GABRA3: variants seen among roughly 807,000 people sequenced by gnomAD.
The protein encoded by GABRA3 is gamma-aminobutyric acid receptor subunit alpha-3.
GABRA3 carries 10 observed loss-of-function variants against 30.1 expected under a neutral mutation model. The ratio of observed to expected loss-of-function variants is 0.33; its 90% CI spans 0.20 to 0.56. GABRA3 has a LOEUF of 0.56. Among genes scored for constraint, GABRA3 ranks in the 20% least tolerant of loss-of-function variants. GABRA3 has a pLI of 0.89. For missense variants in GABRA3, 233 were observed against 392.0 expected, an observed-to-expected ratio of 0.59 and a Z score of 3.42; for synonymous variants, 151 against 146.8, an observed-to-expected ratio of 1.03 and a Z score of -0.21.
At chrX:152,379,503 T>A (rs1929083612) in intron 1 of GABRA3, among the ~76,000 whole-genome samples, 1 of 110,449 alleles carries the variant, frequency 9.1e-6, no homozygotes, top group South Asian at 3.8e-4. Context: ...TAAAAAGATT[T>A]AAAAAAAAGT....
At chrX:152,253,808 C>T (rs1221299980) in intron 5 of GABRA3, among the ~76,000 whole-genome samples, 1 of 111,560 alleles carries the variant, frequency 9.0e-6, no homozygotes, top group Admixed American at 9.5e-5. Context: ...AACGTCCTTC[C>T]TCTCTTCCTT....
chrX:152,305,629 GAATA>G (rs1171786092), intron 3 of GABRA3, among the ~76,000 whole-genome samples: 1 of 111,187 alleles, frequency 9.0e-6, no homozygotes, highest in Non-Finnish European at 1.9e-5. Flanking sequence ...GTAAAAGAAA[GAATA>G]ATTAAGGAAT....
At chrX:152,384,320 T>C (rs1188774701) in intron 1 of GABRA3, among the ~76,000 whole-genome samples, 4 of 111,507 alleles carry the variant, frequency 3.6e-5, no homozygotes, top group Non-Finnish European at 7.5e-5. Flanking sequence ...ACAGATTTAA[T>C]GAAAACCTTA....
intron 1 of GABRA3, among the ~76,000 whole-genome samples, chrX:152,365,258 G>A: frequency 9.0e-6 from 1 of 111,433 alleles, no homozygotes; most frequent in Non-Finnish European, 1.9e-5. Context: ...GAGACATCAT[G>A]GCTCTTGAAT....
At chrX:152,266,856 A>G (rs763295558) in intron 4 of GABRA3, among the ~76,000 whole-genome samples, 6 of 111,842 alleles carry the variant, frequency 5.4e-5, no homozygotes, top group Non-Finnish European at 7.5e-5. Context: ...TGCTATATCT[A>G]CACCACATAA....
intron 3 of GABRA3, among the ~76,000 whole-genome samples, chrX:152,312,293 G>T (rs1024113793): frequency 8.1e-5 from 9 of 111,792 alleles, no homozygotes; most frequent in Non-Finnish European, 1.1e-4. Context: ...CAGACACATA[G>T]ACCAATAGAA....
At chrX:152,273,067 C>T (rs748904593) in intron 4 of GABRA3, among the ~76,000 whole-genome samples, 6 of 111,459 alleles carry the variant, frequency 5.4e-5, no homozygotes, top group East Asian at 2.8e-4. Context: ...AGATATAAGC[C>T]GCTCAAACAA....
At chrX:152,241,870 C>T (rs1012852835) in intron 5 of GABRA3, among the ~76,000 whole-genome samples, 8 of 111,774 alleles carry the variant, frequency 7.2e-5, no homozygotes, top group East Asian at 5.7e-4. Flanking sequence ...GGCTCGCACA[C>T]GGTGCGCGCA....
intron 3 of GABRA3, among the ~76,000 whole-genome samples, chrX:152,344,221 A>T (rs1940357517): frequency 8.9e-6 from 1 of 112,029 alleles, no homozygotes; most frequent in African/African-American, 3.2e-5. Context: ...AAAAAATGAG[A>T]GCATATCAAA....
At chrX:152,365,874 A>G (rs181905318) in intron 1 of GABRA3, among the ~76,000 whole-genome samples, 1 of 112,002 alleles carries the variant, frequency 8.9e-6, no homozygotes, top group East Asian at 2.8e-4. Context: ...GACTTCTGAC[A>G]TGATGAAGTG....
At chrX:152,325,806 A>G (rs1431533872) in intron 3 of GABRA3, among the ~76,000 whole-genome samples, 1 of 111,785 alleles carries the variant, frequency 8.9e-6, no homozygotes, top group Non-Finnish European at 1.9e-5. Context: ...CTCCAAAGGA[A>G]CGCAGCTCCT....
At chrX:152,241,994 C>A (rs1008686096) in intron 5 of GABRA3, among the ~76,000 whole-genome samples, 1 of 111,656 alleles carries the variant, frequency 9.0e-6, no homozygotes, top group Non-Finnish European at 1.9e-5. Flanking sequence ...AGCTGTAGAC[C>A]GGAGCTGTTC....
chrX:152,295,652 C>T (rs930479872), intron 3 of GABRA3, among the ~76,000 whole-genome samples: 4 of 112,720 alleles, frequency 3.5e-5, no homozygotes, highest in Non-Finnish European at 7.5e-5. Context: ...CTTGCACATC[C>T]TCGGTGAGGC....
intron 9 of GABRA3, among the ~76,000 whole-genome samples, chrX:152,181,950 G>C: frequency 9.0e-6 from 1 of 110,956 alleles, no homozygotes; most frequent in Middle Eastern, 4.7e-3. Flanking sequence ...CAATACTGTA[G>C]TGAGAGTGGA....
intron 4 of GABRA3, among the ~76,000 whole-genome samples, chrX:152,280,222 G>A (rs979282866): frequency 5.4e-5 from 6 of 111,118 alleles, no homozygotes; most frequent in South Asian, 3.8e-4. Flanking sequence ...TCTATGTTAC[G>A]TAAAAATATC....
chrX:152,347,875 C>T (rs1181946858), intron 2 of GABRA3, among the ~76,000 whole-genome samples: 1 of 111,631 alleles, frequency 9.0e-6, no homozygotes, highest in Non-Finnish European at 1.9e-5. Flanking sequence ...GGCATGGTGG[C>T]ACACCTGTAG....
chrX:152,376,666 C>A (rs1171854303), intron 1 of GABRA3, among the ~76,000 whole-genome samples: 1 of 111,734 alleles, frequency 8.9e-6, no homozygotes, highest in East Asian at 2.8e-4. Context: ...TTTCTTTTAT[C>A]AATCAAGTTT....
At chrX:152,329,506 C>T (rs1052781098) in intron 3 of GABRA3, among the ~76,000 whole-genome samples, 6 of 111,574 alleles carry the variant, frequency 5.4e-5, no homozygotes, top group African/African-American at 2.0e-4. Flanking sequence ...GAGATATAGA[C>T]CAACGGATCA....
chrX:152,289,856 T>C (rs911562873), intron 3 of GABRA3, among the ~76,000 whole-genome samples: 2 of 111,973 alleles, frequency 1.8e-5, no homozygotes, highest in African/African-American at 6.5e-5. Flanking sequence ...TCATCCTTTC[T>C]TTATGGCTGC....
Sources: gnomAD v4.1 joint callset for allele counts (sites outside exome capture counted in the v4.1 genomes callset) on GRCh38, gnomAD v4.1.1 for gene constraint, MANE v1.5 for transcripts, NCBI Gene and HGNC (gene_info 2026-07-23, HGNC 2026-07-21) for gene names.